Variants in MTA3 observed in about 807,000 individuals in gnomAD.
MTA3 encodes metastasis associated 1 family member 3.
In MTA3, 34 loss-of-function variants were observed where a neutral mutation model predicts 83.5. The ratio of observed to expected loss-of-function variants is 0.41; its 90% CI spans 0.31 to 0.54. The LOEUF is 0.54. MTA3 is among the 20% of genes least tolerant of loss of function. The pLI is 0.33. For synonymous variants in MTA3, 303 were observed against 252.7 expected, an observed-to-expected ratio of 1.20 and a Z score of -1.89; for missense variants, 761 against 726.4, an observed-to-expected ratio of 1.05 and a Z score of -0.55.
intron 11 of MTA3, among the ~76,000 whole-genome samples, chr2:42,699,362 C>T (rs1215572551): frequency 2.0e-5 from 3 of 152,040 alleles, no homozygotes; most frequent in African/African-American, 4.8e-5. Context: ...CCACCACACC[C>T]GACTAATTTA....
chr2:42,561,580 C>G (rs746201112), intron 2 of MTA3, among the ~76,000 whole-genome samples: 2 of 152,162 alleles, frequency 1.3e-5, no homozygotes, highest in Non-Finnish European at 2.9e-5. Context: ...ACCTCTGCCT[C>G]CCAAAGTGCT....
At chr2:42,696,741 A>G (rs1324758176) in intron 10 of MTA3, among the ~76,000 whole-genome samples, 1 of 152,174 alleles carries the variant, frequency 6.6e-6, no homozygotes, top group Non-Finnish European at 1.5e-5. Flanking sequence ...CCTGTCTCTA[A>G]AAATAAATAA....
chr2:42,585,526 G>A (rs1033085290), intron 3 of MTA3, among the ~76,000 whole-genome samples: 4 of 144,592 alleles, frequency 2.8e-5, no homozygotes, highest in Non-Finnish European at 6.0e-5. Context: ...CCAGGCCGGA[G>A]TGCAGTGGTG....
intron 3 of MTA3, among the ~76,000 whole-genome samples, chr2:42,588,814 A>G (rs1283665618): frequency 6.6e-6 from 1 of 152,132 alleles, no homozygotes; most frequent in Non-Finnish European, 1.5e-5. Flanking sequence ...ATACATATAT[A>G]TATATGCTAT....
At chr2:42,706,793 C>T (rs1666130055) in intron 12 of MTA3, among the ~76,000 whole-genome samples, 1 of 152,192 alleles carries the variant, frequency 6.6e-6, no homozygotes, top group African/African-American at 2.4e-5. Context: ...AGTTTTAGGC[C>T]TCAAGCATGC....
chr2:42,646,797 G>A (rs1688231077), intron 6 of MTA3, among the ~76,000 whole-genome samples: 1 of 152,104 alleles, frequency 6.6e-6, no homozygotes, highest in South Asian at 2.1e-4. Context: ...CGAAGGATTT[G>A]GAATATTATA....
intron 4 of MTA3, among the ~76,000 whole-genome samples, chr2:42,637,931 A>T (rs1460163347): frequency 1.3e-5 from 2 of 152,212 alleles, no homozygotes; most frequent in African/African-American, 4.8e-5. Context: ...AACCCTTAAA[A>T]GTCAAGGGAC....
chr2:42,726,153 G>A (rs929895945), intron 16 of MTA3, among the ~76,000 whole-genome samples: 1 of 152,106 alleles, frequency 6.6e-6, no homozygotes, highest in Non-Finnish European at 1.5e-5. Context: ...AAATCAATTA[G>A]CACTGCTACT....
At chr2:42,651,925 C>G (rs1314114120) in intron 6 of MTA3, among the ~76,000 whole-genome samples, 1 of 151,730 alleles carries the variant, frequency 6.6e-6, no homozygotes, top group East Asian at 1.9e-4. Flanking sequence ...GAAACCCCGT[C>G]TCAACTAAAA....
Position 42,609,571 on chromosome 2 carries a change from G to T in MTA3, c.304G>T (p.Ala102Ser). 1 of 1,613,352 alleles carries T rather than the reference G, an allele frequency of 6.2e-7. No homozygotes were observed. Among genetic ancestry groups the T allele is most frequent in the Non-Finnish European group, 8.5e-7 (1 of 1,179,542 alleles). ...GTCACGCCAGTATGAATCTCTGCCC[G>T]CAACACATATCAGGTAAGAACTTTT... ...FLSRQYESLP[A>S]THIRGKCSVA... Residue 102 changes from alanine to serine, a missense_variant, in exon 4 of 17, where the codon GCA becomes TCA. Transcript: ENST00000405094.
intron 3 of MTA3, among the ~76,000 whole-genome samples, chr2:42,608,583 A>T (rs1683788272): frequency 6.6e-6 from 1 of 152,168 alleles, no homozygotes; most frequent in Non-Finnish European, 1.5e-5. Flanking sequence ...ATTATATTTG[A>T]TAAAATCCCT....
intron 2 of MTA3, among the ~76,000 whole-genome samples, chr2:42,517,698 G>T (rs7609347): frequency 0.38 from 57,373 of 150,796 alleles, 11,190 homozygotes; most frequent in African/African-American, 0.47. Context: ...GCCAACATGG[G>T]GAAACCCTGT....
At chr2:42,726,506 T>G (rs917112659) in intron 16 of MTA3, among the ~76,000 whole-genome samples, 1 of 151,690 alleles carries the variant, frequency 6.6e-6, no homozygotes, top group Non-Finnish European at 1.5e-5. Context: ...CCCTCCCCAC[T>G]CCCCCCAACC....
chr2:42,594,691 C>CATATATAAATATACATATAT (rs1558472713), intron 3 of MTA3, among the ~76,000 whole-genome samples: 23 of 83,826 alleles, frequency 2.7e-4, no homozygotes, highest in Non-Finnish European at 4.5e-4. Flanking sequence ...TACATATATA[C>CATATATAAATATACATATAT]ATATATAAAT....
chr2:42,523,842 G>A (rs1436094267), intron 2 of MTA3, among the ~76,000 whole-genome samples: 1 of 151,976 alleles, frequency 6.6e-6, no homozygotes, highest in South Asian at 2.1e-4. Flanking sequence ...CACTTGAGCC[G>A]GGAAGTCAAG....
At chr2:42,668,561 AGTT>A (rs1330663503) in intron 8 of MTA3, among the ~76,000 whole-genome samples, 1 of 152,180 alleles carries the variant, frequency 6.6e-6, no homozygotes, top group Non-Finnish European at 1.5e-5. Flanking sequence ...AATAAATATT[AGTT>A]GTTATTGTTG....
At chr2:42,687,001 C>G (rs1414166686) in intron 9 of MTA3, among the ~76,000 whole-genome samples, 1 of 151,722 alleles carries the variant, frequency 6.6e-6, no homozygotes, top group Non-Finnish European at 1.5e-5. Flanking sequence ...GTGGCACATG[C>G]CTATAATACC....
At chr2:42,700,173 G>C (rs1426259601) in intron 11 of MTA3, among the ~76,000 whole-genome samples, 1 of 152,016 alleles carries the variant, frequency 6.6e-6, no homozygotes, top group Admixed American at 6.6e-5. Flanking sequence ...AGATGAGAGA[G>C]GGAGTGTATA....
intron 2 of MTA3, among the ~76,000 whole-genome samples, chr2:42,551,186 T>TG (rs1553341134): frequency 1.3e-5 from 2 of 151,778 alleles, no homozygotes; most frequent in African/African-American, 2.4e-5. Flanking sequence ...TCTTTTTTTT[T>TG]TTTGTTTGTT....
Sources: allele counts gnomAD v4.1 joint callset (sites outside exome capture counted in the v4.1 genomes callset), GRCh38; gene constraint gnomAD v4.1.1; transcripts MANE v1.5; gene names NCBI Gene and HGNC (gene_info 2026-07-23, HGNC 2026-07-21).